RBFOX3: variants seen among roughly 807,000 people sequenced by gnomAD.
RBFOX3 encodes RNA binding fox-1 homolog 3, also known as RNA binding protein fox-1 homolog 3.
Under a neutral mutation model 48.7 loss-of-function variants are expected in RBFOX3, and 17 were observed. The observed-to-expected ratio is 0.35, with a 90% confidence interval of 0.24 to 0.52. RBFOX3 has a LOEUF of 0.52. RBFOX3 is among the 20% of genes least tolerant of loss of function. The probability of loss-of-function intolerance (pLI) is 0.94; values close to 1 mark genes in which losing one functional copy is unlikely to be tolerated. For synonymous variants in RBFOX3, 212 were observed against 209.5 expected, an observed-to-expected ratio of 1.01 and a Z score of -0.10; for missense variants, 382 against 497.5, an observed-to-expected ratio of 0.77 and a Z score of 2.21.
chr17:79,454,781 GAC>G (rs2074188129), intron 2 of RBFOX3, among the ~76,000 whole-genome samples: 1 of 152,186 alleles, frequency 6.6e-6, no homozygotes, highest in Non-Finnish European at 1.5e-5. Context: ...TATCCACACT[GAC>G]TGGAGCGACT....
Position 79,199,752 on chromosome 17 carries a change from G to A in RBFOX3, c.-34+36014C>T. Among the ~76,000 whole-genome samples, 1 of 152,182 alleles carries A rather than the reference G, an allele frequency of 6.6e-6. No homozygotes were observed. Among genetic ancestry groups the A allele is most frequent in the Non-Finnish European group, 1.5e-5 (1 of 68,034 alleles). The stretch of plus-strand genomic sequence containing the variant: ...CAGATATGACATTGCTGCTGCTGTA[G>A]GATTTCTGAAGCACGCTGAACAAAC... On this transcript the variant is annotated intron_variant, in intron 4 of 14. Coordinates refer to ENST00000693108, the MANE Select transcript of RBFOX3 (RefSeq NM_001350451.2). This position sits in a 1 kb window ranked among gnomAD's most constrained non-coding sequence, Gnocchi z 5.1.
intron 4 of RBFOX3, among the ~76,000 whole-genome samples, chr17:79,215,828 A>G (rs370862949): frequency 6.6e-6 from 1 of 152,246 alleles, no homozygotes; most frequent in East Asian, 1.9e-4. Flanking sequence ...TGCTGGGCAC[A>G]CTGCCGGGCT....
At chr17:79,105,705 C>G (rs1312662127) in intron 6 of RBFOX3, among the ~76,000 whole-genome samples, 2 of 152,140 alleles carry the variant, frequency 1.3e-5, no homozygotes, top group Non-Finnish European at 2.9e-5. Context: ...CCAGCTGGGT[C>G]AGGGTGGCAT....
chr17:79,344,387 C>T (rs74699748), intron 2 of RBFOX3, among the ~76,000 whole-genome samples: 1,647 of 152,116 alleles, frequency 0.011, 27 homozygotes, highest in African/African-American at 0.038. Flanking sequence ...CAACCTCCGG[C>T]GATTCTACAA....
chr17:79,319,377 C>T (rs575135169), intron 2 of RBFOX3, among the ~76,000 whole-genome samples: 107 of 152,336 alleles, frequency 7.0e-4, no homozygotes, highest in African/African-American at 2.5e-3. Flanking sequence ...CCTGCAAGTG[C>T]GGAGATGAAG....
intron 2 of RBFOX3, among the ~76,000 whole-genome samples, chr17:79,438,741 G>A (rs1281234675): frequency 3.9e-5 from 6 of 152,244 alleles, no homozygotes; most frequent in Non-Finnish European, 7.3e-5. Flanking sequence ...GCACTCACCT[G>A]CTTTGCTTGG....
chr17:79,503,528 C>T (rs917743382), intron 1 of RBFOX3, among the ~76,000 whole-genome samples: 7 of 152,306 alleles, frequency 4.6e-5, no homozygotes, highest in Admixed American at 2.0e-4. Context: ...CATCCTCTGC[C>T]TCGCACGTGG....
chr17:79,563,779 T>C (rs2144301222), intron 1 of RBFOX3, among the ~76,000 whole-genome samples: 1 of 152,316 alleles, frequency 6.6e-6, no homozygotes, highest in African/African-American at 2.4e-5. Flanking sequence ...TCTGAGGGCG[T>C]CTTGTCGCTA....
At chr17:79,326,884 C>T (rs767225594) in intron 2 of RBFOX3, among the ~76,000 whole-genome samples, 27 of 152,256 alleles carry the variant, frequency 1.8e-4, no homozygotes, top group Non-Finnish European at 3.4e-4. Flanking sequence ...AACCTGACCA[C>T]AGCCCACTGA....
intron 3 of RBFOX3, among the ~76,000 whole-genome samples, chr17:79,268,291 C>G (rs531546642): frequency 1.3e-5 from 2 of 152,124 alleles, no homozygotes; most frequent in East Asian, 3.9e-4. Flanking sequence ...TCCCAGCCCA[C>G]CTTGCCTCAC....
At chr17:79,488,169 T>C (rs932960312) in intron 1 of RBFOX3, among the ~76,000 whole-genome samples, 2 of 152,104 alleles carry the variant, frequency 1.3e-5, no homozygotes, top group African/African-American at 4.8e-5. Flanking sequence ...TGGATTTTTT[T>C]CCGCACATCT....
chr17:79,149,684 G>A (rs771616256), intron 4 of RBFOX3, among the ~76,000 whole-genome samples: 37 of 151,952 alleles, frequency 2.4e-4, no homozygotes, highest in Admixed American at 1.2e-3. Flanking sequence ...ATGCCCGCCC[G>A]CTCAGGCCTT....
At chr17:79,186,252 T>C (rs1186351436) in intron 4 of RBFOX3, among the ~76,000 whole-genome samples, 4 of 152,216 alleles carry the variant, frequency 2.6e-5, no homozygotes, top group Non-Finnish European at 5.9e-5. Flanking sequence ...AATAGCAGAA[T>C]GGAATGAAAA....
intron 10 of RBFOX3, 29 bp downstream of exon 10, chr17:79,097,663 T>C (rs1420105353): frequency 1.4e-6 from 2 of 1,384,076 alleles, no homozygotes; most frequent in Non-Finnish European, 2.0e-6. Context: ...GCTGGTCTCA[T>C]CCCATCCCCG....
rs2074897766 is a variant in RBFOX3 at position 79,299,140 on chromosome 17, G to T, written c.-74+8584C>A. On this transcript the variant is annotated intron_variant, in intron 3 of 14. Coordinates refer to ENST00000693108, the MANE Select transcript of RBFOX3 (RefSeq NM_001350451.2). The surrounding 1 kb of genome is among the most constrained non-coding windows in gnomAD (Gnocchi z 4.5). ...ACTAATAAATAAGAGGCCAGGTGTG[G>T]TATCTCGGTGCTGGCAAAACAGAGG... Among the ~76,000 whole-genome samples, 1 of 119,590 alleles carries T rather than the reference G, an allele frequency of 8.4e-6. No homozygotes were observed. The highest frequency in any genetic ancestry group is 1.8e-5 in the Non-Finnish European group (1 of 56,550). The allele number at this position is 119,590 out of a possible 152,430, so 78.5% of individuals were successfully genotyped here.
At chr17:79,161,287 G>C (rs1202930263) in intron 4 of RBFOX3, among the ~76,000 whole-genome samples, 1 of 152,148 alleles carries the variant, frequency 6.6e-6, no homozygotes, top group African/African-American at 2.4e-5. Context: ...GAGCCCAGGG[G>C]ACAGGTCAGG....
intron 4 of RBFOX3, among the ~76,000 whole-genome samples, chr17:79,152,498 G>A (rs2169185): frequency 0.65 from 98,597 of 151,864 alleles, 32,367 homozygotes; most frequent in Non-Finnish European, 0.69. Flanking sequence ...GGGTCACCCC[G>A]AACTTGGGAT....
At chr17:79,256,523 C>T (rs1000477775) in intron 3 of RBFOX3, among the ~76,000 whole-genome samples, 1 of 152,272 alleles carries the variant, frequency 6.6e-6, no homozygotes, top group Non-Finnish European at 1.5e-5. Flanking sequence ...TTACTCCAAC[C>T]TGCTACAGCC....
chr17:79,162,583 T>C (rs1039987355), intron 4 of RBFOX3, among the ~76,000 whole-genome samples: 5 of 152,246 alleles, frequency 3.3e-5, no homozygotes, highest in Admixed American at 3.3e-4. Flanking sequence ...TCAATTGGAC[T>C]GAGAAGCGGG....
Sources: gnomAD v4.1 joint callset for allele counts (sites outside exome capture counted in the v4.1 genomes callset) on GRCh38, gnomAD v4.1.1 for gene constraint, Gnocchi (gnomAD v3.1) non-coding constraint, MANE v1.5 for transcripts, NCBI Gene and HGNC (gene_info 2026-07-23, HGNC 2026-07-21) for gene names.